CELF2: variants seen among roughly 807,000 people sequenced by gnomAD.
CELF2 encodes CUGBP Elav-like family member 2.
Under a neutral mutation model 62.6 loss-of-function variants are expected in CELF2, and 8 were observed. That is an observed-to-expected ratio of 0.13 (90% CI 0.07 to 0.23). CELF2 has a LOEUF of 0.23. CELF2 is among the 10% of genes least tolerant of loss of function. The pLI is 1.00. For synonymous variants in CELF2, 258 were observed against 250.0 expected, an observed-to-expected ratio of 1.03 and a Z score of -0.30; for missense variants, 333 against 671.0, an observed-to-expected ratio of 0.50 and a Z score of 5.56.
the CELF2 span, among the ~76,000 whole-genome samples, chr10:10,599,855 C>T: frequency 6.6e-6 from 1 of 151,760 alleles, no homozygotes; most frequent in Non-Finnish European, 1.5e-5. Context: ...CCTCAGCCTC[C>T]CGAGTAGCTG....
At chr10:11,105,671 C>T (rs2053216554) in intron 1 of CELF2, among the ~76,000 whole-genome samples, 1 of 152,218 alleles carries the variant, frequency 6.6e-6, no homozygotes, top group African/African-American at 2.4e-5. Flanking sequence ...ATGTTCTCCT[C>T]ATCTTGTGTT....
At chr10:11,065,155 G>A (rs2140678761) in intron 1 of CELF2, among the ~76,000 whole-genome samples, 1 of 152,308 alleles carries the variant, frequency 6.6e-6, no homozygotes, top group Admixed American at 6.5e-5. Context: ...GTTAAACAAG[G>A]TCTCCTCTTT....
At chr10:11,253,771 G>A (rs1427844489) in intron 4 of CELF2, among the ~76,000 whole-genome samples, 1 of 152,138 alleles carries the variant, frequency 6.6e-6, no homozygotes, top group Non-Finnish European at 1.5e-5. Context: ...ATGGCTGCTG[G>A]TGTGGAACCC....
At chr10:10,501,201 G>A in the CELF2 span, among the ~76,000 whole-genome samples, 1 of 152,168 alleles carries the variant, frequency 6.6e-6, no homozygotes, top group Non-Finnish European at 1.5e-5. Context: ...CAGACTGGCT[G>A]TACCATTTTG....
At chr10:10,963,200 C>T (rs1183998182) in intron 2 of CELF2, among the ~76,000 whole-genome samples, 1 of 151,988 alleles carries the variant, frequency 6.6e-6, no homozygotes, top group Admixed American at 6.6e-5. Flanking sequence ...ATTACAGGCA[C>T]ACGCCACCAC....
At chr10:11,196,782 C>T (rs796880131) in intron 2 of CELF2, among the ~76,000 whole-genome samples, 32 of 151,788 alleles carry the variant, frequency 2.1e-4, no homozygotes, top group African/African-American at 7.3e-4. Flanking sequence ...ATGGTGAAAC[C>T]CCGTCTCTAC....
At chr10:11,235,049 C>G (rs1286404467) in intron 3 of CELF2, among the ~76,000 whole-genome samples, 3 of 152,170 alleles carry the variant, frequency 2.0e-5, no homozygotes, top group African/African-American at 7.2e-5. Flanking sequence ...CAACTTGACT[C>G]ACATACTTGG....
the CELF2 span, among the ~76,000 whole-genome samples, chr10:10,592,393 G>C: frequency 6.6e-6 from 1 of 152,104 alleles, no homozygotes; most frequent in East Asian, 1.9e-4. Flanking sequence ...AATGGATTCC[G>C]ATTTCTATTT....
chr10:11,307,450 G>A (rs1326324971), intron 9 of CELF2, among the ~76,000 whole-genome samples: 1 of 152,210 alleles, frequency 6.6e-6, no homozygotes. Flanking sequence ...GGGGAAAAGT[G>A]TTACCTGCTT....
At position 10,814,177 on chromosome 10, in the gene CELF2, T is replaced by G. The variant is rs1393952652; in HGVS notation, c.53+15360T>G. 2.8e-5 allele frequency among the ~76,000 whole-genome samples: 3 copies of G among 107,302 alleles called. No homozygotes were observed. In the Admixed American group the frequency reaches 4.2e-4, roughly 15 times the overall value. The allele number at this position is 107,302 out of a possible 152,430, so 70.4% of individuals were successfully genotyped here. A position where few individuals can be genotyped will look rare whatever the true frequency, so the allele number is the denominator to read the frequency against. ...TGGGGAAGGAGGACAGATCATGAAA[T>G]GGGAACAAGAGAAGGAAGAAAGGGA... On this transcript the variant is annotated intron_variant, in intron 1 of 13. Transcript: ENST00000636488.
chr10:10,985,602 T>C (rs1343233346), intron 2 of CELF2, among the ~76,000 whole-genome samples: 1 of 152,242 alleles, frequency 6.6e-6, no homozygotes, highest in Admixed American at 6.5e-5. Flanking sequence ...ATGCTGCCTG[T>C]GGAAGGCTGG....
Position 11,332,084 on chromosome 10 carries a change from T to G in CELF2, c.*3031T>G, listed in dbSNP as rs1353250220. ...TTACTACTTTTGATTATTTCTCATT[T>G]TTGGGAAAAGAATTCCTAATGTGCT... is the stretch of plus-strand genomic sequence containing the variant. On this transcript the variant is annotated 3_prime_UTR_variant, in exon 13 of 13. Transcript: ENST00000633077. 1 of 152,350 alleles carries G rather than the reference T, an allele frequency of 6.6e-6. No homozygotes were observed. The highest frequency in any genetic ancestry group is 1.9e-4 in the East Asian group (1 of 5,192). 9.4% of individuals were successfully genotyped at this position (152,350 alleles called of 1,614,324 possible).
chr10:11,076,786 T>A (rs1210447853), intron 1 of CELF2, among the ~76,000 whole-genome samples: 2 of 152,200 alleles, frequency 1.3e-5, no homozygotes, highest in African/African-American at 4.8e-5. Context: ...TAGGAAAATT[T>A]AAATCACCTG....
At chr10:11,212,573 C>G (rs1425808060) in intron 2 of CELF2, among the ~76,000 whole-genome samples, 2 of 152,146 alleles carry the variant, frequency 1.3e-5, no homozygotes, top group East Asian at 3.8e-4. Flanking sequence ...GACTGCTAGG[C>G]TCTGTATGGA....
chr10:11,171,589 T>C (rs1327740278), intron 2 of CELF2, among the ~76,000 whole-genome samples: 1 of 152,214 alleles, frequency 6.6e-6, no homozygotes, highest in Admixed American at 6.5e-5. Context: ...TATTTCAGAA[T>C]TGGCCCGAAG....
intron 1 of CELF2, among the ~76,000 whole-genome samples, chr10:11,057,659 G>C (rs1056126480): frequency 1.3e-5 from 2 of 151,958 alleles, no homozygotes; most frequent in African/African-American, 4.8e-5. Flanking sequence ...TTTTCCCCCC[G>C]ATGAAGTACT....
chr10:11,129,579 T>C (rs1175782527), intron 1 of CELF2, among the ~76,000 whole-genome samples: 1 of 152,222 alleles, frequency 6.6e-6, no homozygotes, highest in Non-Finnish European at 1.5e-5. Flanking sequence ...TGTTCAGAGA[T>C]TCAACTTCTT....
chr10:11,081,600 A>G (rs2074051103), intron 1 of CELF2, among the ~76,000 whole-genome samples: 1 of 152,238 alleles, frequency 6.6e-6, no homozygotes, highest in Non-Finnish European at 1.5e-5. Flanking sequence ...AAAATAAAAA[A>G]TAGGAGATTT....
At chr10:10,834,796 G>A (rs565293073) in intron 1 of CELF2, among the ~76,000 whole-genome samples, 5 of 152,150 alleles carry the variant, frequency 3.3e-5, no homozygotes, top group African/African-American at 9.7e-5. Context: ...TTAACAGCAC[G>A]AGAGGAAGCC....
Sources: allele counts gnomAD v4.1 joint callset (sites outside exome capture counted in the v4.1 genomes callset), GRCh38; gene constraint gnomAD v4.1.1; transcripts MANE v1.5; gene names NCBI Gene and HGNC (gene_info 2026-07-23, HGNC 2026-07-21).